Variants in TNS1 observed in about 807,000 individuals in gnomAD.
TNS1 encodes the protein tensin 1, also known as tensin-1.
TNS1 carries 62 observed loss-of-function variants against 168.6 expected under a neutral mutation model. The ratio of observed to expected loss-of-function variants is 0.37; its 90% CI spans 0.30 to 0.45. The LOEUF is 0.45. Ranked by LOEUF, TNS1 falls within the 20% of genes least tolerant of loss-of-function variation. The pLI is 1.00. For synonymous variants in TNS1, 934 were observed against 933.2 expected (o/e 1.00, Z -0.02); for missense variants, 2,240 against 2,339.4 (o/e 0.96, Z 0.88).
chr2:217,845,841 A>G (rs959102589), intron 19 of TNS1, among the ~76,000 whole-genome samples: 1 of 152,198 alleles, frequency 6.6e-6, no homozygotes, highest in African/African-American at 2.4e-5. Context: ...GGGTTCTTGT[A>G]GGGGAGGAAA....
At chr2:217,898,076 C>T (rs1952515766) in intron 7 of TNS1, 107 bp from the exon 8 acceptor site, 1 of 1,304,892 alleles carries the variant, frequency 7.7e-7, no homozygotes, top group Non-Finnish European at 1.0e-6. Flanking sequence ...CATATGCAGC[C>T]CAGGGTGCTT....
chr2:217,982,279 T>A (rs995951927), intron 2 of TNS1, among the ~76,000 whole-genome samples: 2 of 152,084 alleles, frequency 1.3e-5, no homozygotes, highest in African/African-American at 4.8e-5. Context: ...CCCAGTGACA[T>A]CTTCACTGCA....
At chr2:217,911,278 A>C (rs1402219096) in intron 4 of TNS1, among the ~76,000 whole-genome samples, 1 of 152,170 alleles carries the variant, frequency 6.6e-6, no homozygotes, top group African/African-American at 2.4e-5. Flanking sequence ...TGAACCTATC[A>C]CTACCTGAAA....
intron 5 of TNS1, among the ~76,000 whole-genome samples, chr2:217,907,003 A>G (rs759311148): frequency 1.3e-5 from 2 of 150,198 alleles, no homozygotes; most frequent in Non-Finnish European, 3.0e-5. Flanking sequence ...CTAGCAGCCC[A>G]TTTCCAAACA....
intron 1 of TNS1, among the ~76,000 whole-genome samples, chr2:218,030,553 T>C (rs76748988): frequency 1.5e-3 from 226 of 152,352 alleles, no homozygotes; most frequent in African/African-American, 5.2e-3. Flanking sequence ...TGCTCAAAAA[T>C]GCTTGAATCA....
At chr2:217,838,345 G>A (rs1459663888) in intron 19 of TNS1, among the ~76,000 whole-genome samples, 2 of 152,246 alleles carry the variant, frequency 1.3e-5, no homozygotes, top group South Asian at 4.1e-4. Context: ...ACAGATGCCT[G>A]CAGCAGCTTG....
upstream of TNS1, among the ~76,000 whole-genome samples, chr2:218,011,008 C>T (rs1045220223): frequency 1.3e-5 from 2 of 152,182 alleles, no homozygotes. Flanking sequence ...GGCGCTCAGA[C>T]GTTCAGCACA....
chr2:218,013,415 T>A (rs1355761010), upstream of TNS1, among the ~76,000 whole-genome samples: 1 of 152,014 alleles, frequency 6.6e-6, no homozygotes, highest in Admixed American at 6.5e-5. Context: ...ACATCCCCCC[T>A]AGGGAGGGAT....
chr2:218,028,573 G>T (rs1020524375), intron 1 of TNS1, among the ~76,000 whole-genome samples: 1 of 152,162 alleles, frequency 6.6e-6, no homozygotes, highest in African/African-American at 2.4e-5. Flanking sequence ...TGGCTCATGG[G>T]CTTACTGGGG....
intron 3 of TNS1, among the ~76,000 whole-genome samples, chr2:217,920,649 A>T (rs1955620689): frequency 6.6e-6 from 1 of 150,914 alleles, no homozygotes; most frequent in Non-Finnish European, 1.5e-5. Flanking sequence ...TGTGATTAGG[A>T]CCATCATCAG....
Position 218,010,151 on chromosome 2 carries a change from GC to G in TNS1, c.44del (p.Gly15AlafsTer32), listed in dbSNP as rs1958692838. ...GCAGGAGGCACGAGAAGAGGTACTTGCCCCATCGGATCACGCAGGAGAAGCA... is the reference window on the plus strand; with the variant it reads ...GCAGGAGGCACGAGAAGAGGTACTTGCCCATCGGATCACGCAGGAGAAGCA... On this transcript the variant is annotated frameshift_variant, in exon 1 of 33. Transcript: ENST00000646520. LOFTEE classifies it high-confidence loss of function. The G allele has an allele frequency of 5.0e-6, 2 of 399,308 alleles. No individual in the cohort carries two copies. Among genetic ancestry groups the G allele is most frequent in the East Asian group, 7.1e-5 (2 of 28,072 alleles). 24.7% of individuals were successfully genotyped at this position (399,308 alleles called of 1,614,324 possible).
chr2:217,959,573 C>T (rs1334660398), intron 3 of TNS1, among the ~76,000 whole-genome samples: 1 of 151,684 alleles, frequency 6.6e-6, no homozygotes, highest in African/African-American at 2.4e-5. Flanking sequence ...TAGCATGGAA[C>T]CCTAGCCTGG....
In TNS1 at chr2:217,893,436, G is replaced by A. The variant is rs377347194; in HGVS notation, c.717+3C>T. The stretch of plus-strand genomic sequence containing the variant: ...CACACACACACACACACACAGCTCT[G>A]ACCTTGTTGTGTAGAACAACGACAT... On this transcript the variant is annotated splice_donor_region_variant and intron_variant, in intron 10 of 32. Coordinates refer to ENST00000682258, the MANE Select transcript of TNS1 (RefSeq NM_001387777.1). 3.8e-6 allele frequency: 6 copies of A among 1,584,140 alleles called. No homozygotes were observed. The African/African-American group carries it at 4.2e-5, about 11-fold the overall frequency.
rs373764784 is a variant in TNS1 at position 217,893,258 on chromosome 2, C to T, written c.717+181G>A. Among the ~76,000 whole-genome samples, 33 of 152,336 alleles carry T rather than the reference C, an allele frequency of 2.2e-4. No homozygotes were observed. In the South Asian group the frequency reaches 5.8e-3, roughly 27 times the overall value. On this transcript the variant is annotated intron_variant, in intron 10 of 32. Transcript: ENST00000682258. ...TGTCCCCTACACTTCTTAGAAGTGC[C>T]GCCCAAGACAGAACCTATTATCCCC... is the stretch of plus-strand genomic sequence containing the variant.
intron 3 of TNS1, among the ~76,000 whole-genome samples, chr2:217,935,438 C>G (rs762826802): frequency 1.3e-5 from 2 of 152,174 alleles, no homozygotes; most frequent in Non-Finnish European, 2.9e-5. Flanking sequence ...CCTCCCCCAG[C>G]CCCCACCCCT....
At chr2:217,985,891 C>A (rs778651138) in intron 2 of TNS1, among the ~76,000 whole-genome samples, 4 of 152,152 alleles carry the variant, frequency 2.6e-5, no homozygotes, top group Admixed American at 6.5e-5. Flanking sequence ...AACCACAGCT[C>A]CTCTGACTGA....
intron 21 of TNS1, among the ~76,000 whole-genome samples, chr2:217,833,104 T>C (rs1944676282): frequency 6.6e-6 from 1 of 152,208 alleles, no homozygotes; most frequent in Non-Finnish European, 1.5e-5. Context: ...ATGCCTGGCC[T>C]CAGAGACGGT....
At chr2:217,978,823 G>T in intron 2 of TNS1, 21 bp from the exon 3 acceptor site, 1 of 702,116 alleles carries the variant, frequency 1.4e-6, no homozygotes, top group South Asian at 1.5e-5. Context: ...GCGAGACACA[G>T]AAAGAAAGTT....
chr2:218,002,790 G>T, intron 1 of TNS1, 50 bp downstream of exon 1: 1 of 456,456 alleles, frequency 2.2e-6, no homozygotes, highest in Non-Finnish European at 4.4e-6. Flanking sequence ...CCGGTGGGGG[G>T]CGGGGGGTTT....
Sources: allele counts gnomAD v4.1 joint callset (sites outside exome capture counted in the v4.1 genomes callset), GRCh38; gene constraint gnomAD v4.1.1; transcripts MANE v1.5; gene names NCBI Gene and HGNC (gene_info 2026-07-23, HGNC 2026-07-21).